PHACTR3: variants seen among roughly 807,000 people sequenced by gnomAD.
PHACTR3 encodes the protein protein phosphatase 1, regulatory subunit 123.
A neutral mutation model predicts 66.8 loss-of-function variants in PHACTR3; 16 were observed. The ratio of observed to expected loss-of-function variants is 0.24; its 90% CI spans 0.16 to 0.36. PHACTR3 has a LOEUF of 0.36. Among genes scored for constraint, PHACTR3 ranks in the 10% least tolerant of loss-of-function variants. The probability of loss-of-function intolerance (pLI) is 1.00; values close to 1 mark genes in which losing one functional copy is unlikely to be tolerated. For missense variants in PHACTR3, 647 were observed against 719.9 expected (o/e 0.90, Z 1.16); for synonymous variants, 323 against 292.1 (o/e 1.11, Z -1.08).
chr20:59,841,612 T>G (rs6064846), intron 11 of PHACTR3, 77 bp downstream of exon 11: 61,187 of 1,472,208 alleles, frequency 0.042, 1,489 homozygotes, highest in Middle Eastern at 0.057. Flanking sequence ...GGGAGTTTAT[T>G]CATAGACAAT....
At chr20:59,805,698 T>G (rs1488343711) in intron 7 of PHACTR3, among the ~76,000 whole-genome samples, 1 of 152,182 alleles carries the variant, frequency 6.6e-6, no homozygotes. Flanking sequence ...GGAAAGTCAC[T>G]GTGTCATTTT....
intron 1 of PHACTR3, among the ~76,000 whole-genome samples, chr20:59,710,458 G>A (rs529037244): frequency 2.6e-5 from 4 of 152,232 alleles, no homozygotes; most frequent in African/African-American, 4.8e-5. Flanking sequence ...AAGCATCATC[G>A]TAACCAGCAA....
chr20:59,604,462 C>A, upstream of PHACTR3: 2 of 304,156 alleles, frequency 6.6e-6, no homozygotes, highest in Non-Finnish European at 9.6e-6. Flanking sequence ...GCCCCTCTCC[C>A]GTGACGTCAT....
chr20:59,640,585 C>A (rs957716206), intron 1 of PHACTR3, among the ~76,000 whole-genome samples: 1 of 152,148 alleles, frequency 6.6e-6, no homozygotes, highest in Non-Finnish European at 1.5e-5. Flanking sequence ...ATTATGATGA[C>A]ATGGGCATGT....
intron 1 of PHACTR3, among the ~76,000 whole-genome samples, chr20:59,741,909 C>T (rs1444457202): frequency 6.6e-6 from 1 of 152,064 alleles, no homozygotes; most frequent in African/African-American, 2.4e-5. Flanking sequence ...ATTACAGGTA[C>T]CCGCCACCAC....
intron 1 of PHACTR3, among the ~76,000 whole-genome samples, chr20:59,624,615 G>T (rs937113162): frequency 6.6e-6 from 1 of 152,110 alleles, no homozygotes; most frequent in African/African-American, 2.4e-5. Flanking sequence ...GGCTGGTCCA[G>T]CGCAGCCACC....
chr20:59,615,065 A>G (rs1367017778), intron 1 of PHACTR3, among the ~76,000 whole-genome samples: 1 of 152,038 alleles, frequency 6.6e-6, no homozygotes, highest in Non-Finnish European at 1.5e-5. Flanking sequence ...TTTTCCTGTT[A>G]TTCTCTATAT....
chr20:59,602,237 G>C (rs138342149), upstream of PHACTR3, among the ~76,000 whole-genome samples: 1,438 of 152,184 alleles, frequency 9.4e-3, 19 homozygotes, highest in African/African-American at 0.031. Context: ...CAGCCAGCGA[G>C]GCTGTGCTCC....
At chr20:59,633,753 CAT>C (rs986118824) in intron 1 of PHACTR3, among the ~76,000 whole-genome samples, 16 of 152,162 alleles carry the variant, frequency 1.1e-4, no homozygotes, top group African/African-American at 2.4e-5. Flanking sequence ...CTGCTAATGA[CAT>C]ATTTAATTTT....
intron 1 of PHACTR3, chr20:59,628,142 C>T (rs1361225333): frequency 1.3e-5 from 2 of 152,212 alleles, no homozygotes; most frequent in South Asian, 2.1e-4. Context: ...TGTGGCCACT[C>T]CAGAATGCTG....
chr20:59,774,209 G>T, intron 6 of PHACTR3, 34 bp from the exon 7 acceptor site: 1 of 1,531,286 alleles, frequency 6.5e-7, no homozygotes, highest in South Asian at 1.3e-5. Context: ...GGTGAAGGGG[G>T]TGACCTATAA....
At chr20:59,777,144 C>T (rs1041885088) in intron 7 of PHACTR3, among the ~76,000 whole-genome samples, 13 of 152,180 alleles carry the variant, frequency 8.5e-5, no homozygotes, top group Admixed American at 2.0e-4. Flanking sequence ...GCCCTGCCTC[C>T]GTGGGCACAT....
intron 5 of PHACTR3, 79 bp downstream of exon 5, chr20:59,767,474 T>G: frequency 7.0e-7 from 1 of 1,421,564 alleles, no homozygotes. Flanking sequence ...CATCCACCCA[T>G]CCATCATCTA....
Position 59,829,344 on chromosome 20 carries a change from C to G in PHACTR3, c.1329-7161C>G, listed in dbSNP as rs1454081226. 1.3e-5 allele frequency among the ~76,000 whole-genome samples: 2 copies of G among 152,162 alleles called. No homozygotes were observed. Among genetic ancestry groups the G allele is most frequent in the African/African-American group, 4.8e-5 (2 of 41,458 alleles). ...CACTCCATCCCCTCTGCCTGGATGC[C>G]CATCCCAGGTCTTTCCCTGGGCGGT... On this transcript the variant is annotated intron_variant, in intron 8 of 12. Transcript: ENST00000371015. This position sits in a 1 kb window ranked among gnomAD's most constrained non-coding sequence, Gnocchi z 4.2.
At chr20:59,826,893 G>C (rs1018706260) in intron 8 of PHACTR3, among the ~76,000 whole-genome samples, 1 of 152,186 alleles carries the variant, frequency 6.6e-6, no homozygotes, top group African/African-American at 2.4e-5. Context: ...AGAACAGAAA[G>C]TGCCTCTCTA....
At chr20:59,814,165 C>T (rs6128702) in intron 8 of PHACTR3, among the ~76,000 whole-genome samples, 81,302 of 152,004 alleles carry the variant, frequency 0.53, 25,206 homozygotes, top group Non-Finnish European at 0.69. Flanking sequence ...GTCTGGGAAA[C>T]GCCCCTCTGC....
rs1443091228 is a variant in PHACTR3, at chr20:59,696,540, C to T, written c.119-46567C>T. On this transcript the variant is annotated intron_variant, in intron 1 of 12. Coordinates refer to ENST00000371015, the MANE Select transcript of PHACTR3 (RefSeq NM_080672.5). The stretch of plus-strand genomic sequence containing the variant: ...TGCTTCGGGACATGGGGTTTTTCTC[C>T]CTGGTCTCGTTGGGATGCTCTTCAC... 2.0e-5 allele frequency among the ~76,000 whole-genome samples: 3 copies of T among 152,086 alleles called. No homozygotes were observed. The East Asian group carries it at 5.8e-4, about 29-fold the overall frequency.
At chr20:59,846,122 A>G (rs1200210023) in intron 12 of PHACTR3, among the ~76,000 whole-genome samples, 1 of 152,152 alleles carries the variant, frequency 6.6e-6, no homozygotes, top group East Asian at 1.9e-4. Flanking sequence ...CTTTATCTGA[A>G]GATGCTCAAG....
At chr20:59,737,847 GT>G (rs1358872014) in intron 1 of PHACTR3, among the ~76,000 whole-genome samples, 1 of 152,102 alleles carries the variant, frequency 6.6e-6, no homozygotes, top group African/African-American at 2.4e-5. Flanking sequence ...GAGTGAGTGA[GT>G]GAGTGAGTGA....
Sources: gnomAD v4.1 joint callset for allele counts (sites outside exome capture counted in the v4.1 genomes callset) on GRCh38, gnomAD v4.1.1 for gene constraint, Gnocchi (gnomAD v3.1) non-coding constraint, MANE v1.5 for transcripts, NCBI Gene and HGNC (gene_info 2026-07-23, HGNC 2026-07-21) for gene names.